OTOF: variants seen among roughly 807,000 people sequenced by gnomAD.
OTOF encodes fer-1-like family member 2.
In OTOF, 218 loss-of-function variants were observed where a neutral mutation model predicts 236.8. That is an observed-to-expected ratio of 0.92 (90% CI 0.82 to 1.03). The LOEUF is 1.03. OTOF is among the 50% of genes least tolerant of loss of function. OTOF has a pLI of 0.00. For missense variants in OTOF, 2,590 were observed against 2,694.4 expected, an observed-to-expected ratio of 0.96 and a Z score of 0.86; for synonymous variants, 1,041 against 1,072.5, an observed-to-expected ratio of 0.97 and a Z score of 0.57.
chr2:26,477,689 G>T lies in OTOF; in HGVS notation c.2275C>A (p.Arg759Ser), dbSNP rs766182525. 6.2e-7 allele frequency: 1 copy of T among 1,612,484 alleles called. No homozygotes were observed. The highest frequency in any genetic ancestry group is 8.5e-7 in the Non-Finnish European group (1 of 1,179,992). The change falls in exon 19 of 47, where the codon CGC becomes AGC. Residue 759 changes from arginine to serine, a missense_variant. Coordinates refer to ENST00000272371, the MANE Select transcript of OTOF (RefSeq NM_194248.3). The surrounding 1 kb of genome is among the most constrained non-coding windows in gnomAD (Gnocchi z 4.7). Reference sequence around the variant, plus strand: ...AGCTCCTCCAGGACGCCCCGCAGGCGACGCTCAGGGTAGGACTTCTCCGTT... The same window carrying T: ...AGCTCCTCCAGGACGCCCCGCAGGCTACGCTCAGGGTAGGACTTCTCCGTT... The part of the protein sequence containing the change: ...IKTEKSYPER[R>S]LRGVLEELSC...
intron 46 of OTOF, among the ~76,000 whole-genome samples, chr2:26,459,770 T>C (rs1664368760): frequency 6.6e-6 from 1 of 152,198 alleles, no homozygotes; most frequent in South Asian, 2.1e-4. Context: ...TGAGAGTCTA[T>C]TCTGTCATGA....
intron 1 of OTOF, among the ~76,000 whole-genome samples, chr2:26,547,441 T>C (rs1667359622): frequency 6.6e-6 from 1 of 152,196 alleles, no homozygotes; most frequent in African/African-American, 2.4e-5. Context: ...TTGTGTAAGG[T>C]CTTTGTCAGG....
At position 26,459,864 on chromosome 2, in the gene OTOF, T is replaced by TGC. The variant is rs574991484; in HGVS notation, c.*17+143_*17+144insGC. 13,672 of 772,352 alleles carry TGC rather than the reference T, an allele frequency of 0.018. 168 individuals are homozygous for TGC. Among genetic ancestry groups the TGC allele is most frequent in the African/African-American group, 0.023 (1,361 of 58,236 alleles). The allele number at this position is 772,352 out of a possible 1,614,324, so 47.8% of individuals were successfully genotyped here. On this transcript the variant is annotated intron_variant, in intron 46 of 46. Transcript: ENST00000272371. ...GAGTGCATGTGTATGCACTTGTGCG[T>TGC]GGCACATGTGTGCATACATGCTTGT...
Position 26,474,674 on chromosome 2 carries a change from C to T in OTOF, c.3127G>A (p.Gly1043Ser). The change falls in exon 26 of 47, where the codon GGC becomes AGC. Residue 1043 changes from glycine (G) to serine (S), a missense_variant and splice_region_variant. Coordinates refer to ENST00000272371, the MANE Select transcript of OTOF (RefSeq NM_194248.3). Reference protein sequence around the residue: ...VIEIYDQDSMGKADFMGRTFA... With the variant: ...VIEIYDQDSMSKADFMGRTFA... Reference sequence around the variant, plus strand: ...GTCCGGCCCATGAAGTCAGCTTTGCCCTGACGCAACAGACAACCCAGAAGC... The same window carrying T: ...GTCCGGCCCATGAAGTCAGCTTTGCTCTGACGCAACAGACAACCCAGAAGC... 1 of 1,613,250 alleles carries T rather than the reference C, an allele frequency of 6.2e-7. No homozygotes were observed. Among genetic ancestry groups the T allele is most frequent in the South Asian group, 1.1e-5 (1 of 91,086 alleles).
chr2:26,476,889 AC>A lies in OTOF; in HGVS notation c.2676+1del. On this transcript the variant is annotated splice_donor_variant, in intron 22 of 46. Transcript: ENST00000272371. LOFTEE classifies it high-confidence loss of function. Reference sequence around the variant, plus strand: ...CCCCATCCATCCTGCCCCCTCCAGCACCTTAAGGAAGAGCGTCTTGACCTTG... The same window carrying A: ...CCCCATCCATCCTGCCCCCTCCAGCACTTAAGGAAGAGCGTCTTGACCTTG... 1.2e-6 allele frequency: 2 copies of A among 1,608,098 alleles called. No individual in the cohort carries two copies. Among genetic ancestry groups the A allele is most frequent in the Non-Finnish European group, 1.7e-6 (2 of 1,179,410 alleles).
chr2:26,477,374 C>A lies in OTOF; in HGVS notation c.2406+42G>T. Reference sequence around the variant, plus strand: ...GGGGGTTGTGACACCTTCTCACAACCAGGCCCTCCCTCCAGCCCCCGCCGT... The same window carrying A: ...GGGGGTTGTGACACCTTCTCACAACAAGGCCCTCCCTCCAGCCCCCGCCGT... On this transcript the variant is annotated intron_variant, in intron 20 of 46. Coordinates refer to ENST00000272371, the MANE Select transcript of OTOF (RefSeq NM_194248.3). This position sits in a 1 kb window ranked among gnomAD's most constrained non-coding sequence, Gnocchi z 4.7. 1 of 1,569,948 alleles carries A rather than the reference C, an allele frequency of 6.4e-7. No individual in the cohort carries two copies. The highest frequency in any genetic ancestry group is 8.7e-7 in the Non-Finnish European group (1 of 1,155,636).
At chr2:26,505,750 C>T (rs1288631107) in intron 5 of OTOF, among the ~76,000 whole-genome samples, 1 of 152,220 alleles carries the variant, frequency 6.6e-6, no homozygotes, top group Non-Finnish European at 1.5e-5. Context: ...GGGCAAGAAT[C>T]CCATCCATTC....
At chr2:26,521,672 C>T (rs1377646247) in intron 3 of OTOF, among the ~76,000 whole-genome samples, 3 of 152,200 alleles carry the variant, frequency 2.0e-5, no homozygotes, top group South Asian at 4.1e-4. Flanking sequence ...AGGCAAATCC[C>T]CTACTCTTCC....
At chr2:26,557,670 C>A (rs72815294) in intron 1 of OTOF, among the ~76,000 whole-genome samples, 4 of 151,926 alleles carry the variant, frequency 2.6e-5, no homozygotes, top group Non-Finnish European at 4.4e-5. Flanking sequence ...AGCTCCCACC[C>A]GCTGGTCCTT....
At chr2:26,484,419 C>T in intron 12 of OTOF, 55 bp downstream of exon 12, 5 of 1,605,020 alleles carry the variant, frequency 3.1e-6, no homozygotes, top group Non-Finnish European at 4.3e-6. Context: ...CGGGGGCTCC[C>T]TGGGGGAAGG....
chr2:26,556,747 C>T (rs114405559), intron 1 of OTOF, among the ~76,000 whole-genome samples: 2,972 of 152,242 alleles, frequency 0.02, 97 homozygotes, highest in African/African-American at 0.067. Flanking sequence ...GTGAATGCCA[C>T]GCGCAGTGTT....
Position 26,470,560 on chromosome 2 carries a change from G to C in OTOF, c.4023+33C>G, listed in dbSNP as rs374471069. ...GACAGGAGGGTCTGAGTGTGGAGGGGGTCACCTCCCCTCACCCTACCCGAG... is the reference window on the plus strand; with the variant it reads ...GACAGGAGGGTCTGAGTGTGGAGGGCGTCACCTCCCCTCACCCTACCCGAG... On this transcript the variant is annotated intron_variant, in intron 32 of 46. Coordinates refer to ENST00000272371, the MANE Select transcript of OTOF (RefSeq NM_194248.3). This position sits in a 1 kb window ranked among gnomAD's most constrained non-coding sequence, Gnocchi z 4.3. The C allele has an allele frequency of 1.9e-4, 308 of 1,610,536 alleles. No individual in the cohort carries two copies. Among genetic ancestry groups the C allele is most frequent in the Non-Finnish European group, 2.4e-4 (288 of 1,177,022 alleles).
intron 2 of OTOF, among the ~76,000 whole-genome samples, chr2:26,528,990 G>A (rs1047163890): frequency 2.6e-5 from 4 of 152,238 alleles, no homozygotes; most frequent in Admixed American, 6.5e-5. Context: ...ACTGTTGGCT[G>A]TGGCAAGTCA....
chr2:26,493,858 C>T (rs754082661), intron 9 of OTOF, among the ~76,000 whole-genome samples: 2 of 152,202 alleles, frequency 1.3e-5, no homozygotes, highest in Non-Finnish European at 2.9e-5. Flanking sequence ...GGGACTTGCA[C>T]ACTAGGAGAT....
At chr2:26,471,577 G>T (rs1231484217) in intron 30 of OTOF, among the ~76,000 whole-genome samples, 1 of 152,210 alleles carries the variant, frequency 6.6e-6, no homozygotes, top group Non-Finnish European at 1.5e-5. Context: ...GAATGGCTGG[G>T]ATGGAAAACC....
At chr2:26,538,447 G>C (rs1667130494) in intron 1 of OTOF, among the ~76,000 whole-genome samples, 1 of 152,252 alleles carries the variant, frequency 6.6e-6, no homozygotes, top group Non-Finnish European at 1.5e-5. Flanking sequence ...GGGAAGTAGA[G>C]AGTGTGTGAG....
Position 26,474,037 on chromosome 2 carries a change from G to T in OTOF, c.3362C>A (p.Pro1121His). 1 of 1,613,006 alleles carries T rather than the reference G, an allele frequency of 6.2e-7. No homozygotes were observed. Among genetic ancestry groups the T allele is most frequent in the Non-Finnish European group, 8.5e-7 (1 of 1,179,880 alleles). ...PVDVDRGPIM[P>H]VPMGIRPVLS... ...CACGGGCCGGATGCCCATGGGCACG[G>T]GCATGATGGGACCTCGGTCCACGTC... The change falls in exon 27 of 47, where the codon CCC becomes CAC. Residue 1121 changes from proline (P) to histidine (H), a missense_variant. Physicochemically the swap from Pro to His is moderately conservative, Grantham distance 77 (BLOSUM62 -2). Coordinates refer to ENST00000272371, the MANE Select transcript of OTOF (RefSeq NM_194248.3).
intron 3 of OTOF, among the ~76,000 whole-genome samples, chr2:26,520,228 C>A (rs1014965227): frequency 6.6e-6 from 1 of 152,110 alleles, no homozygotes; most frequent in African/African-American, 2.4e-5. Context: ...CGTGTGAGAG[C>A]TGGAAGGGAC....
chr2:26,474,763 T>C, intron 25 of OTOF, 89 bp from the exon 26 acceptor site: 1 of 1,444,802 alleles, frequency 6.9e-7, no homozygotes, highest in South Asian at 1.1e-5. Flanking sequence ...CCATGAGTTG[T>C]TGTAAGGGAC....
Sources: gnomAD v4.1 joint callset for allele counts (sites outside exome capture counted in the v4.1 genomes callset) on GRCh38, gnomAD v4.1.1 for gene constraint, Gnocchi (gnomAD v3.1) non-coding constraint, MANE v1.5 for transcripts, NCBI Gene and HGNC (gene_info 2026-07-23, HGNC 2026-07-21) for gene names.